ZCCHC14: variants seen among roughly 807,000 people sequenced by gnomAD.
ZCCHC14 encodes the protein zinc finger CCHC domain-containing protein 14.
In ZCCHC14, 16 loss-of-function variants were observed where a neutral mutation model predicts 85.0. That is an observed-to-expected ratio of 0.19 (90% confidence interval 0.13 to 0.29). ZCCHC14 has a LOEUF of 0.29. Ranked by LOEUF, ZCCHC14 falls within the 10% of genes least tolerant of loss-of-function variation. The pLI is 1.00. For synonymous variants in ZCCHC14, 775 were observed against 630.7 expected, an observed-to-expected ratio of 1.23 and a Z score of -3.43; for missense variants, 1,303 against 1,443.5, an observed-to-expected ratio of 0.90 and a Z score of 1.58.
intron 1 of ZCCHC14, chr16:87,467,272 T>C (rs991697057): frequency 2.5e-6 from 4 of 1,577,786 alleles, no homozygotes; most frequent in Non-Finnish European, 3.5e-6. Context: ...AAATTAAGGA[T>C]AATGGAGATC....
In ZCCHC14 at chr16:87,491,095, T is replaced by A. The variant is rs1912736855; in HGVS notation, c.570+574A>T. Among the ~76,000 whole-genome samples the A allele has an allele frequency of 1.3e-5, 2 of 152,258 alleles. No individual in the cohort carries two copies. Among genetic ancestry groups the A allele is most frequent in the South Asian group, 4.1e-4 (2 of 4,834 alleles). The stretch of plus-strand genomic sequence containing the variant: ...CCAAGGCGCCGCAATGTGTGTTATC[T>A]GTCACCCAAGGGCCCCATTAAGGGG... On this transcript the variant is annotated intron_variant, in intron 1 of 12. Coordinates refer to ENST00000671377, the MANE Select transcript of ZCCHC14 (RefSeq NM_015144.3). This position sits in a 1 kb window ranked among gnomAD's most constrained non-coding sequence, Gnocchi z 5.9.
At chr16:87,461,037 C>T (rs1010773317) in intron 1 of ZCCHC14, among the ~76,000 whole-genome samples, 2 of 152,208 alleles carry the variant, frequency 1.3e-5, no homozygotes, top group Admixed American at 6.5e-5. Context: ...ACAGGGAAAG[C>T]GGGGCACACC....
intron 2 of ZCCHC14, among the ~76,000 whole-genome samples, chr16:87,441,138 G>A (rs1215047526): frequency 3.3e-5 from 5 of 151,754 alleles, no homozygotes; most frequent in Admixed American, 1.3e-4. Context: ...GACTACAGGC[G>A]CCCGCCACCA....
rs767754261 is a variant in ZCCHC14 at position 87,411,928 on chromosome 16, G to T, written c.2793C>A (p.Ser931Arg). The change falls in exon 12 of 13, where the codon AGC becomes AGA. Residue 931 changes from serine (S) to arginine (R), a missense_variant. Coordinates refer to ENST00000671377, the MANE Select transcript of ZCCHC14 (RefSeq NM_015144.3). ...GCIVCTSCGCSGSCGSSGLTV... is the reference protein window; with the variant it reads ...GCIVCTSCGCRGSCGSSGLTV... Reference sequence around the variant, plus strand: ...TCAGGCCACTCGAGCCGCAGCTGCCGCTGCAGCCACAGGACGTGCACACAA... The same window carrying T: ...TCAGGCCACTCGAGCCGCAGCTGCCTCTGCAGCCACAGGACGTGCACACAA... 3 of 1,605,286 alleles carry T rather than the reference G, an allele frequency of 1.9e-6. No homozygotes were observed. The highest frequency in any genetic ancestry group is 1.7e-6 in the Non-Finnish European group (2 of 1,177,230).
chr16:87,490,565 T>C (rs1333429761), intron 1 of ZCCHC14, among the ~76,000 whole-genome samples: 1 of 152,238 alleles, frequency 6.6e-6, no homozygotes, highest in Admixed American at 6.5e-5. Flanking sequence ...CATCGCTAAG[T>C]GGATGGCCAG....
At chr16:87,425,939 T>C (rs1231003976) in intron 3 of ZCCHC14, among the ~76,000 whole-genome samples, 3 of 152,238 alleles carry the variant, frequency 2.0e-5, no homozygotes, top group Non-Finnish European at 4.4e-5. Context: ...TCATCTTATG[T>C]TGAAACAGAC....
At chr16:87,490,190 A>T (rs1912689665) in intron 1 of ZCCHC14, among the ~76,000 whole-genome samples, 1 of 152,250 alleles carries the variant, frequency 6.6e-6, no homozygotes, top group Non-Finnish European at 1.5e-5. Context: ...CACTTCTTAC[A>T]GGAAGACATT....
intron 2 of ZCCHC14, among the ~76,000 whole-genome samples, chr16:87,443,530 G>A (rs1263959277): frequency 6.6e-6 from 1 of 152,140 alleles, no homozygotes; most frequent in East Asian, 1.9e-4. Context: ...GAGCTGAGAA[G>A]TTAGAGACTA....
At chr16:87,438,285 C>T (rs76548298) in intron 2 of ZCCHC14, among the ~76,000 whole-genome samples, 10,863 of 152,240 alleles carry the variant, frequency 0.071, 1,274 homozygotes, top group African/African-American at 0.25. Flanking sequence ...GCAGGAGCAC[C>T]TCACCTCATT....
At chr16:87,422,739 GA>G (rs368531133) in intron 4 of ZCCHC14, among the ~76,000 whole-genome samples, 3 of 144,314 alleles carry the variant, frequency 2.1e-5, no homozygotes, top group Admixed American at 1.4e-4. Context: ...CCATCTCAAA[GA>G]AAAAAAAAAC....
chr16:87,461,262 C>T (rs1176419527), intron 1 of ZCCHC14, among the ~76,000 whole-genome samples: 4 of 152,164 alleles, frequency 2.6e-5, no homozygotes, highest in African/African-American at 9.7e-5. Flanking sequence ...CGGAAGGGGC[C>T]CAGAGGGGCG....
At chr16:87,414,619 ACTC>A (rs1908685676) in intron 9 of ZCCHC14, 78 bp from the exon 10 acceptor site, 1 of 1,514,636 alleles carries the variant, frequency 6.6e-7, no homozygotes. Context: ...AGACGGGTCT[ACTC>A]CACACCACAG....
At chr16:87,415,761 T>C (rs545014957) in intron 8 of ZCCHC14, among the ~76,000 whole-genome samples, 74 of 152,306 alleles carry the variant, frequency 4.9e-4, no homozygotes, top group African/African-American at 1.5e-3. Flanking sequence ...AGTCACAGTT[T>C]GAATCACCGT....
chr16:87,486,662 A>G (rs1912525095), intron 1 of ZCCHC14, among the ~76,000 whole-genome samples: 1 of 152,212 alleles, frequency 6.6e-6, no homozygotes. Context: ...CTGGCCAAAA[A>G]ATAAAAATAA....
intron 1 of ZCCHC14, among the ~76,000 whole-genome samples, chr16:87,478,763 C>T (rs1174108266): frequency 6.6e-6 from 1 of 152,014 alleles, no homozygotes; most frequent in Non-Finnish European, 1.5e-5. Flanking sequence ...CCCGCCACCA[C>T]GCCCGGCTAA....
chr16:87,413,294 A>AGGGAAACGCAGGGCTCTGAGAGTC, intron 10 of ZCCHC14, 99 bp from the exon 11 acceptor site: 1 of 1,414,378 alleles, frequency 7.1e-7, no homozygotes, highest in Admixed American at 2.9e-5. Context: ...TGCTCCTTCC[A>AGGGAAACGCAGGGCTCTGAGAGTC]GGGAAACGCA....
intron 3 of ZCCHC14, among the ~76,000 whole-genome samples, chr16:87,430,166 G>A (rs1160270886): frequency 6.6e-6 from 1 of 152,182 alleles, no homozygotes; most frequent in Non-Finnish European, 1.5e-5. Flanking sequence ...CCTCCCAGTA[G>A]TTTTTGTTTT....
chr16:87,490,908 C>G (rs1471423703), intron 1 of ZCCHC14, among the ~76,000 whole-genome samples: 12 of 152,258 alleles, frequency 7.9e-5, no homozygotes, highest in Non-Finnish European at 1.5e-4. Flanking sequence ...GTCCCGCGCC[C>G]AGGCCCCCAG....
chr16:87,434,486 C>A lies in ZCCHC14; in HGVS notation c.695-1285G>T, dbSNP rs568958615. Among the ~76,000 whole-genome samples, 194 of 152,342 alleles carry A rather than the reference C, an allele frequency of 1.3e-3. 2 individuals are homozygous for A. Among genetic ancestry groups the A allele is most frequent in the African/African-American group, 4.3e-3 (180 of 41,584 alleles). On this transcript the variant is annotated intron_variant, in intron 2 of 12. Transcript: ENST00000671377. Reference sequence around the variant, plus strand: ...TCGCTGGGTCTGGAGGCCACCTGGCCGCGTGCGACGGGGATGTCTGCTAAT... The same window carrying A: ...TCGCTGGGTCTGGAGGCCACCTGGCAGCGTGCGACGGGGATGTCTGCTAAT...
Sources: allele counts gnomAD v4.1 joint callset (sites outside exome capture counted in the v4.1 genomes callset), GRCh38; gene constraint gnomAD v4.1.1; non-coding constraint Gnocchi (gnomAD v3.1); transcripts MANE v1.5; gene names NCBI Gene and HGNC (gene_info 2026-07-23, HGNC 2026-07-21).